The following EVC2 variants were observed in gnomAD, a reference collection of about 807,000 sequenced individuals.
EVC2 encodes the protein limbin.
EVC2 carries 148 observed loss-of-function variants against 149.3 expected under a neutral mutation model. The ratio of observed to expected loss-of-function variants is 0.99; its 90% CI spans 0.87 to 1.14. The LOEUF (loss-of-function observed/expected upper bound fraction) is 1.14. Among genes scored for constraint, EVC2 ranks in the 50% most tolerant of loss-of-function variants. The probability of loss-of-function intolerance (pLI) is 0.00; values close to 1 mark genes in which losing one functional copy is unlikely to be tolerated. For synonymous variants in EVC2, 776 were observed against 649.9 expected (o/e 1.19, Z -2.95); for missense variants, 1,854 against 1,627.3 (o/e 1.14, Z -2.40).
chr4:5,680,287 T>G (rs1435133368), intron 7 of EVC2, among the ~76,000 whole-genome samples: 1 of 152,252 alleles, frequency 6.6e-6, no homozygotes, highest in Non-Finnish European at 1.5e-5. Context: ...AGTGTCATTA[T>G]CAAGTATTAT....
At chr4:5,647,933 G>T (rs1717843177) in intron 9 of EVC2, among the ~76,000 whole-genome samples, 1 of 152,192 alleles carries the variant, frequency 6.6e-6, no homozygotes, top group South Asian at 2.1e-4. Flanking sequence ...TTTGGAGATA[G>T]AAGAAGGGGT....
In EVC2 at chr4:5,677,252, AG is replaced by A. The variant is rs531248774; in HGVS notation, c.870+4007del. Among the ~76,000 whole-genome samples, 146 of 152,238 alleles carry A rather than the reference AG, an allele frequency of 9.6e-4. 2 individuals carry two copies. The highest frequency in any genetic ancestry group is 7.2e-3 in the Admixed American group (110 of 15,290). ...CAGTTGGGGAAACTGAGGCCCTCAG[AG>A]GTAAGTGACGTGCCCAAGCTCACAT... On this transcript the variant is annotated intron_variant, in intron 7 of 21. Transcript: ENST00000344408. The surrounding 1 kb of genome is among the most constrained non-coding windows in gnomAD (Gnocchi z 4.3).
intron 12 of EVC2, among the ~76,000 whole-genome samples, chr4:5,627,261 A>G (rs75145299): frequency 0.033 from 4,959 of 152,302 alleles, 245 homozygotes; most frequent in African/African-American, 0.11. Context: ...TTTTAGAAAT[A>G]TAATTATGTC....
At position 5,629,966 on chromosome 4, in the gene EVC2, T is replaced by G. The variant is rs139816288; in HGVS notation, c.1711-1232A>C. 4.7e-4 allele frequency among the ~76,000 whole-genome samples: 71 copies of G among 152,352 alleles called. No homozygotes were observed. The East Asian group carries it at 9.6e-3, about 21-fold the overall frequency. On this transcript the variant is annotated intron_variant, in intron 11 of 21. Transcript: ENST00000344408. Reference sequence around the variant, plus strand: ...CTTTCTGGCATAATATCATTCACAATAGCATGCATTCTTTTTAACTTGAGT... The same window carrying G: ...CTTTCTGGCATAATATCATTCACAAGAGCATGCATTCTTTTTAACTTGAGT...
chr4:5,660,299 C>G (rs1718795331), intron 9 of EVC2, among the ~76,000 whole-genome samples: 1 of 152,202 alleles, frequency 6.6e-6, no homozygotes. Flanking sequence ...CTTCACCAGG[C>G]ACTCTGTGAG....
intron 15 of EVC2, among the ~76,000 whole-genome samples, 187 bp from the exon 16 acceptor site, chr4:5,615,731 A>C (rs896346149): frequency 2.2e-4 from 33 of 152,126 alleles, no homozygotes; most frequent in African/African-American, 8.0e-4. Context: ...AGAGCCTTTG[A>C]TCTTCACACA....
intron 7 of EVC2, among the ~76,000 whole-genome samples, chr4:5,675,866 C>T (rs966580217): frequency 1.3e-5 from 2 of 152,190 alleles, no homozygotes; most frequent in African/African-American, 4.8e-5. Flanking sequence ...ATTGCTTGAA[C>T]CCAGGAGGCA....
Position 5,584,645 on chromosome 4 carries a change from T to C in EVC2, c.3035A>G (p.Gln1012Arg). The C allele has an allele frequency of 6.2e-7, 1 of 1,613,782 alleles. No homozygotes were observed. Among genetic ancestry groups the C allele is most frequent in the Non-Finnish European group, 8.5e-7 (1 of 1,179,874 alleles). ...CACCCGGCTGTGCGACTCCAGGATC[T>C]GTGTGCAGGCCGACTTGGTCAGCAT... ...SEMLTKSACT[Q>R]ILESHSRELQ... Residue 1012 changes from glutamine to arginine, a missense_variant, in exon 17 of 22, where the codon CAG (glutamine) becomes CGG (arginine). Gln to Arg is a conservative substitution (Grantham distance 43). Coordinates refer to ENST00000344408, the MANE Select transcript of EVC2 (RefSeq NM_147127.5).
In EVC2 at chr4:5,633,528, G is replaced by C. The variant is rs891452743; in HGVS notation, c.1471-1496C>G. On this transcript the variant is annotated intron_variant, in intron 10 of 21. Transcript: ENST00000344408. This position sits in a 1 kb window ranked among gnomAD's most constrained non-coding sequence, Gnocchi z 4.4. The stretch of plus-strand genomic sequence containing the variant: ...AAGCGTGTTGAAAGCAAGTGTTCAG[G>C]CTCCAAGCTCTGAAACCACTCAAGG... Among the ~76,000 whole-genome samples, 1 of 152,212 alleles carries C rather than the reference G, an allele frequency of 6.6e-6. No individual in the cohort carries two copies. Among genetic ancestry groups the C allele is most frequent in the African/African-American group, 2.4e-5 (1 of 41,454 alleles).
intron 7 of EVC2, among the ~76,000 whole-genome samples, chr4:5,674,037 C>T (rs987560327): frequency 4.1e-5 from 5 of 120,692 alleles, no homozygotes; most frequent in East Asian, 2.8e-4. Context: ...GGAGATGAGA[C>T]GAATGTTTCC....
rs73198184 is a variant in EVC2 at position 5,640,885 on chromosome 4, C to G, written c.1146-47G>C. ...AGAATTCCATTACATGAAATTGCAA[C>G]AGAAACCAAAGGTCTTTCAAAGCTC... On this transcript the variant is annotated intron_variant, in intron 9 of 21. Transcript: ENST00000344408. This position sits in a 1 kb window ranked among gnomAD's most constrained non-coding sequence, Gnocchi z 4.6. 0.08 allele frequency: 128,165 copies of G among 1,605,772 alleles called. 5,731 individuals carry two copies. Among genetic ancestry groups the G allele is most frequent in the Non-Finnish European group, 0.089 (104,037 of 1,173,128 alleles).
At chr4:5,678,414 G>C (rs1720133609) in intron 7 of EVC2, among the ~76,000 whole-genome samples, 1 of 152,206 alleles carries the variant, frequency 6.6e-6, no homozygotes, top group Non-Finnish European at 1.5e-5. Context: ...ACTTGCAAGT[G>C]ATTTTCTCCA....
At position 5,618,525 on chromosome 4, in the gene EVC2, C is replaced by T. The variant is rs752704825; in HGVS notation, c.2659G>A (p.Ala887Thr). Residue 887 changes from alanine to threonine, a missense_variant, in exon 15 of 22, where the codon GCA (alanine) becomes ACA (threonine). Transcript: ENST00000344408. The surrounding 1 kb of genome is among the most constrained non-coding windows in gnomAD (Gnocchi z 4.4). ...GCCTGGTCCAGCTTCACGAACTCTGCTTCTCGCCACGCAGTCTGAAATTGC... is the reference window on the plus strand; with the variant it reads ...GCCTGGTCCAGCTTCACGAACTCTGTTTCTCGCCACGCAGTCTGAAATTGC... ...LQQFQTAWRE[A>T]EFVKLDQAVA... is the part of the protein sequence containing the mutation. 1.2e-6 allele frequency: 2 copies of T among 1,614,014 alleles called. No homozygotes were observed. Among genetic ancestry groups the T allele is most frequent in the Non-Finnish European group, 8.5e-7 (1 of 1,180,030 alleles).
chr4:5,616,702 T>C (rs1472832971), intron 15 of EVC2, among the ~76,000 whole-genome samples: 2 of 152,230 alleles, frequency 1.3e-5, no homozygotes, highest in Non-Finnish European at 2.9e-5. Flanking sequence ...TCTGCCGCTA[T>C]CTCGGGACTG....
At chr4:5,708,621 C>G, upstream of EVC2, 2 of 791,934 alleles carry the variant, frequency 2.5e-6, no homozygotes, top group South Asian at 2.9e-5. Flanking sequence ...GAGCCGCCGC[C>G]GAAAGTTTTC....
chr4:5,598,177 C>G (rs1293161589), intron 16 of EVC2, among the ~76,000 whole-genome samples: 5 of 152,082 alleles, frequency 3.3e-5, no homozygotes, highest in African/African-American at 4.8e-5. Flanking sequence ...CCATCCCCAT[C>G]CAGCTACCAA....
At chr4:5,537,145 T>G in the EVC2 span, among the ~76,000 whole-genome samples, 1 of 152,030 alleles carries the variant, frequency 6.6e-6, no homozygotes, top group African/African-American at 2.4e-5. Flanking sequence ...GAGCCTAGAG[T>G]TGCCCCGCTT....
chr4:5,534,953 T>G, the EVC2 span, among the ~76,000 whole-genome samples: 10 of 151,524 alleles, frequency 6.6e-5, no homozygotes, highest in African/African-American at 2.2e-4. Flanking sequence ...AAAAATTATC[T>G]CCCTTTTCTT....
At chr4:5,704,762 G>C (rs1722029571) in intron 1 of EVC2, among the ~76,000 whole-genome samples, 1 of 152,156 alleles carries the variant, frequency 6.6e-6, no homozygotes, top group Non-Finnish European at 1.5e-5. Context: ...TTGGAGTGCA[G>C]TGGTGAGATC....
Sources: allele counts gnomAD v4.1 joint callset (sites outside exome capture counted in the v4.1 genomes callset), GRCh38; gene constraint gnomAD v4.1.1; non-coding constraint Gnocchi (gnomAD v3.1); transcripts MANE v1.5; gene names NCBI Gene and HGNC (gene_info 2026-07-23, HGNC 2026-07-21).